STXBP4: variants seen among roughly 807,000 people sequenced by gnomAD.
STXBP4 encodes syntaxin-binding protein 4.
STXBP4 carries 55 observed loss-of-function variants against 76.1 expected under a neutral mutation model. The observed-to-expected ratio is 0.72, with a 90% CI of 0.58 to 0.91. STXBP4 has a LOEUF of 0.91. STXBP4 is among the 40% of genes least tolerant of loss of function. The pLI is 0.00. For synonymous variants in STXBP4, 201 were observed against 220.2 expected (o/e 0.91, Z 0.77); for missense variants, 618 against 636.9 (o/e 0.97, Z 0.32).
intron 17 of STXBP4, among the ~76,000 whole-genome samples, chr17:55,151,631 C>T (rs1023377112): frequency 5.3e-5 from 8 of 152,136 alleles, no homozygotes; most frequent in African/African-American, 1.9e-4. Context: ...ATTTCAAAGA[C>T]TAAAAATTCC....
the STXBP4 span, among the ~76,000 whole-genome samples, chr17:55,179,223 A>G: frequency 6.6e-6 from 1 of 152,140 alleles, no homozygotes; most frequent in Non-Finnish European, 1.5e-5. Context: ...AGTTACTACC[A>G]CTGGGACTAT....
chr17:55,133,926 G>A (rs1269126369), intron 16 of STXBP4, among the ~76,000 whole-genome samples: 2 of 152,168 alleles, frequency 1.3e-5, no homozygotes, highest in Non-Finnish European at 2.9e-5. Flanking sequence ...GTAAGGTTTA[G>A]TTATAAAGTA....
chr17:55,012,020 C>T (rs955327460), intron 8 of STXBP4, among the ~76,000 whole-genome samples: 4 of 152,178 alleles, frequency 2.6e-5, no homozygotes, highest in African/African-American at 4.8e-5. Flanking sequence ...CAGGGGTCCG[C>T]GGTAGATCTT....
intron 12 of STXBP4, among the ~76,000 whole-genome samples, chr17:55,054,076 A>G (rs1165471683): frequency 6.6e-6 from 1 of 152,140 alleles, no homozygotes; most frequent in South Asian, 2.1e-4. Flanking sequence ...TCTGTTATTA[A>G]GAAAGGTCAT....
chr17:55,030,055 C>T (rs2078479281), intron 8 of STXBP4, among the ~76,000 whole-genome samples: 2 of 152,118 alleles, frequency 1.3e-5, no homozygotes, highest in African/African-American at 4.8e-5. Context: ...AATAGGACAT[C>T]CAATTAGTCC....
chr17:55,151,019 T>C (rs1312274181), intron 17 of STXBP4, among the ~76,000 whole-genome samples: 1 of 152,148 alleles, frequency 6.6e-6, no homozygotes, highest in African/African-American at 2.4e-5. Context: ...TTAGGATATG[T>C]TATGTTGCTG....
At chr17:55,022,807 T>C (rs2541244) in intron 8 of STXBP4, among the ~76,000 whole-genome samples, 35,589 of 152,098 alleles carry the variant, frequency 0.23, 4,641 homozygotes, top group South Asian at 0.31. Context: ...CCTGGCATCA[T>C]GTGATCAAGG....
intron 12 of STXBP4, among the ~76,000 whole-genome samples, chr17:55,056,464 A>G (rs2144800893): frequency 6.6e-6 from 1 of 152,328 alleles, no homozygotes; most frequent in South Asian, 2.1e-4. Context: ...ACTGAATTGA[A>G]TACCAAAAAT....
intron 12 of STXBP4, among the ~76,000 whole-genome samples, chr17:55,072,184 G>T (rs1039069934): frequency 6.6e-6 from 1 of 152,102 alleles, no homozygotes; most frequent in Non-Finnish European, 1.5e-5. Context: ...GCACTGCTGT[G>T]TGTTCTTGAA....
chr17:55,044,783 G>A (rs2078761838), intron 11 of STXBP4: 1 of 151,678 alleles, frequency 6.6e-6, no homozygotes, highest in South Asian at 2.1e-4. Context: ...TTTTTTTCCA[G>A]TATGTGTGTA....
intron 12 of STXBP4, among the ~76,000 whole-genome samples, chr17:55,069,173 TAAG>T (rs1415246473): frequency 1.4e-5 from 2 of 141,468 alleles, no homozygotes; most frequent in Admixed American, 7.2e-5. Context: ...AAAAAAAAAA[TAAG>T]CTAGAGATTT....
intron 12 of STXBP4, among the ~76,000 whole-genome samples, chr17:55,053,539 G>C (rs570045145): frequency 1.1e-4 from 17 of 152,062 alleles, no homozygotes; most frequent in African/African-American, 4.1e-4. Context: ...TGAACCTGGG[G>C]AATTAGGTAA....
intron 8 of STXBP4, among the ~76,000 whole-genome samples, chr17:55,019,837 T>C (rs1027522681): frequency 6.6e-6 from 1 of 152,196 alleles, no homozygotes; most frequent in African/African-American, 2.4e-5. Flanking sequence ...GTAGCTCTTA[T>C]TCTCATTTTT....
the STXBP4 span, among the ~76,000 whole-genome samples, chr17:55,185,278 TCTCCTTCTCCTTCTCCTTCTCCTTCTC>T: frequency 3.6e-3 from 320 of 89,070 alleles, 2 homozygotes; most frequent in African/African-American, 0.014. Context: ...TCCTTCTCCT[TCTCCTTCTCCTTCTCCTTCTCCTTCTC>T]CTTCTCCTTC....
intron 15 of STXBP4, among the ~76,000 whole-genome samples, 198 bp from the exon 16 acceptor site, chr17:55,080,852 T>C (rs2079246163): frequency 1.3e-5 from 2 of 152,210 alleles, no homozygotes; most frequent in African/African-American, 4.8e-5. Flanking sequence ...TTAAAATATT[T>C]CTACTTATTA....
chr17:55,081,174 G>T lies in STXBP4; in HGVS notation c.1480G>T (p.Asp494Tyr). 3 of 1,477,982 alleles carry T rather than the reference G, an allele frequency of 2.0e-6. No individual in the cohort carries two copies. The highest frequency in any genetic ancestry group is 2.7e-6 in the Non-Finnish European group (3 of 1,117,206). The allele number at this position is 1,477,982 out of a possible 1,614,324, so 91.6% of individuals were successfully genotyped here. A position where few individuals can be genotyped will look rare whatever the true frequency, so the allele number is the denominator to read the frequency against. ...ELVKSVRALL[D>Y]MDCLPYGWEE... Reference sequence around the variant, plus strand: ...TGTTAAATCTGTTCGTGCCTTACTTGATATGGATTGTAAGTTTTCTGCATT... The same window carrying T: ...TGTTAAATCTGTTCGTGCCTTACTTTATATGGATTGTAAGTTTTCTGCATT... Residue 494 changes from aspartate (D) to tyrosine (Y), a missense_variant, in exon 16 of 18, where the codon GAT becomes TAT. Asp to Tyr is a radical substitution (Grantham distance 160, BLOSUM62 -3). Coordinates refer to ENST00000376352, the MANE Select transcript of STXBP4 (RefSeq NM_178509.6).
rs2080397083 is a variant in STXBP4, at chr17:55,169,911, T to C, written c.*10000T>C. The C allele has an allele frequency of 1.3e-5, 2 of 152,246 alleles. No homozygotes were observed. The highest frequency in any genetic ancestry group is 1.3e-4 in the Admixed American group (2 of 15,290). The allele number at this position is 152,246 out of a possible 1,614,324, so 9.4% of individuals were successfully genotyped here. A position where few individuals can be genotyped will look rare whatever the true frequency, so the allele number is the denominator to read the frequency against. ...TGTGGACAATGCAAACTCCCTCATG[T>C]ACCTTGCTCCTTGCCAATTTCAAAC... On this transcript the variant is annotated 3_prime_UTR_variant, in exon 18 of 18. Transcript: ENST00000376352.
At chr17:55,009,702 A>G (rs1050445736) in intron 8 of STXBP4, among the ~76,000 whole-genome samples, 1 of 152,090 alleles carries the variant, frequency 6.6e-6, no homozygotes, top group Non-Finnish European at 1.5e-5. Flanking sequence ...ATCAAGATAG[A>G]CTTGTTAATT....
chr17:55,155,335 G>T (rs2080265152), intron 17 of STXBP4, among the ~76,000 whole-genome samples: 1 of 151,962 alleles, frequency 6.6e-6, no homozygotes, highest in Admixed American at 6.6e-5. Context: ...TTTCAATTGG[G>T]ATTAGTTTTT....
Sources: allele counts gnomAD v4.1 joint callset (sites outside exome capture counted in the v4.1 genomes callset), GRCh38; gene constraint gnomAD v4.1.1; transcripts MANE v1.5; gene names NCBI Gene and HGNC (gene_info 2026-07-23, HGNC 2026-07-21).